Variants in WDR41 observed in about 807,000 individuals in gnomAD.
WDR41 encodes WD repeat domain 41.
WDR41 carries 63 observed loss-of-function variants against 69.3 expected under a neutral mutation model. The observed-to-expected ratio is 0.91, with a 90% CI of 0.74 to 1.12. The LOEUF is 1.12. WDR41 is among the 50% of genes most tolerant of loss of function. The pLI is 0.00. For missense variants in WDR41, 543 were observed against 534.5 expected (o/e 1.02, Z -0.16); for synonymous variants, 185 against 192.1 (o/e 0.96, Z 0.31).
At chr5:77,450,036 A>G (rs1799562673) in intron 7 of WDR41, among the ~76,000 whole-genome samples, 166 bp from the exon 8 acceptor site, 1 of 152,172 alleles carries the variant, frequency 6.6e-6, no homozygotes, top group South Asian at 2.1e-4. Context: ...ATTTCTTTCA[A>G]ATGCTTGAGA....
At position 77,617,441 on chromosome 5, in the gene WDR41, G is replaced by T. The variant is rs74290976; in HGVS notation, c.42+3038C>A. ...TAAATCTTAATAGTGCTTAACTCTGGGCAAGCATCTATAGAATCAGACATT... is the reference window on the plus strand; with the variant it reads ...TAAATCTTAATAGTGCTTAACTCTGTGCAAGCATCTATAGAATCAGACATT... On this transcript the variant is annotated intron_variant, in intron 1 of 5. Coordinates refer to the WDR41 transcript ENST00000509971. Among the ~76,000 whole-genome samples the T allele has an allele frequency of 1.5e-3, 235 of 152,018 alleles. 5 individuals are homozygous for T. In the East Asian group the frequency reaches 0.036, roughly 23 times the overall value.
chr5:77,514,159 C>T (rs1398364590), intron 1 of WDR41, among the ~76,000 whole-genome samples: 1 of 152,064 alleles, frequency 6.6e-6, no homozygotes, highest in African/African-American at 2.4e-5. Context: ...AATTTTACCA[C>T]CTTTTAAATC....
intron 1 of WDR41, among the ~76,000 whole-genome samples, chr5:77,539,528 T>C (rs895167235): frequency 6.6e-6 from 1 of 152,110 alleles, no homozygotes; most frequent in South Asian, 2.1e-4. Context: ...GTACTTTGAA[T>C]AGTAAGGTTT....
At chr5:77,495,221 T>G (rs1278215157), upstream of WDR41, among the ~76,000 whole-genome samples, 1 of 151,792 alleles carries the variant, frequency 6.6e-6, no homozygotes, top group Non-Finnish European at 1.5e-5. Context: ...CATAGGAACT[T>G]GAAGTAGAAG....
intron 1 of WDR41, among the ~76,000 whole-genome samples, chr5:77,566,343 G>A (rs557299653): frequency 1.8e-4 from 28 of 152,222 alleles, no homozygotes; most frequent in African/African-American, 6.3e-4. Flanking sequence ...TCACTGTCCT[G>A]TATGTCGTTT....
intron 1 of WDR41, among the ~76,000 whole-genome samples, chr5:77,619,914 A>T (rs1744745205): frequency 6.6e-6 from 1 of 152,184 alleles, no homozygotes. Context: ...CCTGTAGGCC[A>T]TCACTCTAGT....
chr5:77,476,234 A>G (rs459118), intron 2 of WDR41, among the ~76,000 whole-genome samples: 93,084 of 152,040 alleles, frequency 0.61, 30,326 homozygotes, highest in African/African-American at 0.84. Context: ...ATGGAACCAA[A>G]CTGGAAAACA....
intron 2 of WDR41, among the ~76,000 whole-genome samples, chr5:77,471,818 G>A (rs891061593): frequency 6.6e-6 from 1 of 152,140 alleles, no homozygotes; most frequent in Non-Finnish European, 1.5e-5. Flanking sequence ...TCCAGGACCA[G>A]ATGGATTCAC....
At chr5:77,577,402 A>G (rs1220065344) in intron 1 of WDR41, among the ~76,000 whole-genome samples, 1 of 151,556 alleles carries the variant, frequency 6.6e-6, no homozygotes, top group Non-Finnish European at 1.5e-5. Context: ...ATAAAATATG[A>G]GAAATTGCTC....
At chr5:77,617,684 T>A (rs1054692095) in intron 1 of WDR41, among the ~76,000 whole-genome samples, 2 of 152,076 alleles carry the variant, frequency 1.3e-5, no homozygotes, top group Admixed American at 6.5e-5. Flanking sequence ...AAATATTAGG[T>A]AGGTACGTGT....
chr5:77,446,413 G>GA (rs572255928), intron 8 of WDR41, among the ~76,000 whole-genome samples: 159 of 151,808 alleles, frequency 1.0e-3, no homozygotes, highest in African/African-American at 3.4e-3. Flanking sequence ...CAAAGAATTA[G>GA]AAAAAAAACT....
intron 9 of WDR41, among the ~76,000 whole-genome samples, chr5:77,439,922 TA>T (rs1224107002): frequency 6.6e-6 from 1 of 152,200 alleles, no homozygotes; most frequent in Non-Finnish European, 1.5e-5. Context: ...TTATCATGTA[TA>T]TTTAACTTTT....
chr5:77,511,255 T>C (rs1057047565), intron 1 of WDR41, among the ~76,000 whole-genome samples: 21 of 152,294 alleles, frequency 1.4e-4, no homozygotes, highest in African/African-American at 5.1e-4. Flanking sequence ...TTGACGTCTT[T>C]TCAATACAGG....
At chr5:77,442,438 A>G (rs992670050) in intron 8 of WDR41, among the ~76,000 whole-genome samples, 3 of 152,324 alleles carry the variant, frequency 2.0e-5, no homozygotes, top group African/African-American at 7.2e-5. Flanking sequence ...ATACACATGT[A>G]CACACATACA....
intron 1 of WDR41, among the ~76,000 whole-genome samples, chr5:77,600,929 A>ATGTGTGTGTGTGTG (rs71608111): frequency 2.4e-4 from 35 of 144,082 alleles, no homozygotes; most frequent in African/African-American, 6.1e-4. Flanking sequence ...CTCTGTGTGT[A>ATGTGTGTGTGTGTG]TGTGTGTGTG....
At chr5:77,618,118 T>G (rs1388077548) in intron 1 of WDR41, among the ~76,000 whole-genome samples, 1 of 152,208 alleles carries the variant, frequency 6.6e-6, no homozygotes, top group Non-Finnish European at 1.5e-5. Context: ...AGGCTCAACA[T>G]TGCTTTCCAG....
chr5:77,457,582 T>G (rs549377287), intron 5 of WDR41, among the ~76,000 whole-genome samples: 3 of 152,212 alleles, frequency 2.0e-5, no homozygotes, highest in South Asian at 2.1e-4. Flanking sequence ...TTATTTAGAT[T>G]CATTCATAAT....
intron 12 of WDR41, among the ~76,000 whole-genome samples, chr5:77,435,005 C>T (rs1380982836): frequency 1.3e-5 from 2 of 152,202 alleles, no homozygotes; most frequent in Non-Finnish European, 2.9e-5. Flanking sequence ...CCCCAAACCA[C>T]GTTCCCAGGC....
At chr5:77,523,348 C>T (rs1802400851) in intron 1 of WDR41, among the ~76,000 whole-genome samples, 3 of 151,590 alleles carry the variant, frequency 2.0e-5, no homozygotes, top group Admixed American at 2.0e-4. Flanking sequence ...AATAATATAA[C>T]TTTTCACTCC....
Sources: gnomAD v4.1 joint callset for allele counts (sites outside exome capture counted in the v4.1 genomes callset) on GRCh38, gnomAD v4.1.1 for gene constraint, MANE v1.5 for transcripts, NCBI Gene and HGNC (gene_info 2026-07-23, HGNC 2026-07-21) for gene names.